ATF7IP: variants seen among roughly 807,000 people sequenced by gnomAD.
ATF7IP encodes activating transcription factor 7-interacting protein 1.
Under a neutral mutation model 106.4 loss-of-function variants are expected in ATF7IP, and 23 were observed. The ratio of observed to expected loss-of-function variants is 0.22; its 90% confidence interval spans 0.16 to 0.31. The LOEUF (loss-of-function observed/expected upper bound fraction) is 0.31, where lower values mean the gene tolerates loss of function less well. Ranked by LOEUF, ATF7IP falls within the 10% of genes least tolerant of loss-of-function variation. The probability of loss-of-function intolerance (pLI) is 1.00; values close to 1 mark genes in which losing one functional copy is unlikely to be tolerated. For missense variants in ATF7IP, 1,334 were observed against 1,524.3 expected, an observed-to-expected ratio of 0.88 and a Z score of 2.08; for synonymous variants, 542 against 539.0, an observed-to-expected ratio of 1.01 and a Z score of -0.08.
chr12:14,467,672 G>GTTT (rs60962708), intron 10 of ATF7IP, among the ~76,000 whole-genome samples: 3 of 146,680 alleles, frequency 2.0e-5, no homozygotes, highest in Non-Finnish European at 3.0e-5. Flanking sequence ...CCCTCAGTGA[G>GTTT]TTTTTTTTTT....
Position 14,468,581 on chromosome 12 carries a change from ATATTT to A in ATF7IP, c.2862+1997_2862+2001del, listed in dbSNP as rs1943922407. On this transcript the variant is annotated intron_variant, in intron 10 of 14. Transcript: ENST00000261168. ...CAAATTAATATTAAGCTCTCAATAG[ATATTT>A]TATTTGGCTTCAAGGAAGAGGAATT... 5.9e-5 allele frequency among the ~76,000 whole-genome samples: 9 copies of A among 152,172 alleles called. No individual in the cohort carries two copies. The South Asian group carries it at 1.9e-3, about 32-fold the overall frequency.
chr12:14,384,785 CT>C (rs1939141338), intron 1 of ATF7IP, among the ~76,000 whole-genome samples: 1 of 147,814 alleles, frequency 6.8e-6, no homozygotes, highest in African/African-American at 2.5e-5. Context: ...TTGAAATTAA[CT>C]TAATCAATCA....
rs1266881429 is a variant in ATF7IP at position 14,500,490 on chromosome 12, G to C, written c.*2417G>C. On this transcript the variant is annotated 3_prime_UTR_variant, in exon 15 of 15. Transcript: ENST00000261168. ...GTTATGGCAATGAAAATTTCAGAAA[G>C]GAGGAGTTGATGATCTTCTAGATGT... 1.3e-5 allele frequency: 2 copies of C among 152,052 alleles called. No individual in the cohort carries two copies. Among genetic ancestry groups the C allele is most frequent in the East Asian group, 3.8e-4 (2 of 5,196 alleles). 9.4% of individuals were successfully genotyped at this position (152,052 alleles called of 1,614,324 possible).
Position 14,384,095 on chromosome 12 carries a change from TTC to T in ATF7IP, c.-8+18270_-8+18271del, listed in dbSNP as rs1257610579. On this transcript the variant is annotated intron_variant, in intron 1 of 14. Coordinates refer to ENST00000261168, the MANE Select transcript of ATF7IP (RefSeq NM_018179.5). ...TACTGAAATAGAATGAGATAATAAATTCTGTGTGCCCATTGCTCAGCTTGAAC... is the reference window on the plus strand; with the variant it reads ...TACTGAAATAGAATGAGATAATAAATTGTGTGCCCATTGCTCAGCTTGAAC... Among the ~76,000 whole-genome samples the T allele has an allele frequency of 4.6e-5, 7 of 152,320 alleles. No individual in the cohort carries two copies. The East Asian group carries it at 1.3e-3, about 29-fold the overall frequency.
intron 4 of ATF7IP, among the ~76,000 whole-genome samples, chr12:14,437,773 G>T (rs1942473573): frequency 6.6e-6 from 1 of 152,190 alleles, no homozygotes; most frequent in Non-Finnish European, 1.5e-5. Flanking sequence ...ATATTTACTG[G>T]CCGGGCGCGG....
intron 1 of ATF7IP, among the ~76,000 whole-genome samples, chr12:14,416,364 G>A (rs989302845): frequency 6.6e-6 from 1 of 152,078 alleles, no homozygotes; most frequent in African/African-American, 2.4e-5. Context: ...TCAGAAAAAT[G>A]TTGTACTCTC....
chr12:14,429,811 A>G (rs893068216), intron 2 of ATF7IP, among the ~76,000 whole-genome samples: 8 of 152,332 alleles, frequency 5.3e-5, no homozygotes, highest in African/African-American at 1.4e-4. Context: ...TCTTAGTTCT[A>G]TTCACTAGTG....
At chr12:14,371,078 C>T (rs942404824) in intron 1 of ATF7IP, among the ~76,000 whole-genome samples, 2 of 151,706 alleles carry the variant, frequency 1.3e-5, no homozygotes, top group African/African-American at 4.8e-5. Context: ...AATTTATTTT[C>T]CATTAAATCT....
intron 1 of ATF7IP, among the ~76,000 whole-genome samples, chr12:14,387,254 A>G (rs547688159): frequency 1.7e-4 from 26 of 152,186 alleles, no homozygotes; most frequent in Non-Finnish European, 3.4e-4. Flanking sequence ...GATTCTATTC[A>G]TCATTCCTTT....
chr12:14,473,013 G>GA (rs1327264580), intron 10 of ATF7IP, among the ~76,000 whole-genome samples: 16 of 151,870 alleles, frequency 1.1e-4, no homozygotes, highest in East Asian at 3.9e-4. Flanking sequence ...ATCCGCAAGA[G>GA]AAAAAAAATC....
At chr12:14,398,592 C>G (rs916232342) in intron 1 of ATF7IP, among the ~76,000 whole-genome samples, 2 of 151,402 alleles carry the variant, frequency 1.3e-5, no homozygotes, top group Non-Finnish European at 1.5e-5. Flanking sequence ...ATTGGGTATA[C>G]AGTTCTATTT....
intron 14 of ATF7IP, 67 bp downstream of exon 14, chr12:14,496,410 C>A: frequency 9.4e-7 from 1 of 1,066,032 alleles, no homozygotes; most frequent in Non-Finnish European, 1.4e-6. Context: ...TTGTATTTGG[C>A]ATTTTTCTTT....
chr12:14,445,520 A>T (rs1040070667), intron 5 of ATF7IP, among the ~76,000 whole-genome samples: 5 of 152,070 alleles, frequency 3.3e-5, no homozygotes, highest in Admixed American at 1.3e-4. Context: ...AAGTTATTTG[A>T]GATATTTTAG....
intron 1 of ATF7IP, among the ~76,000 whole-genome samples, chr12:14,415,111 G>A (rs1941134155): frequency 6.6e-6 from 1 of 152,128 alleles, no homozygotes; most frequent in African/African-American, 2.4e-5. Context: ...ATAAATACAA[G>A]ACCTTCTGTA....
intron 1 of ATF7IP, among the ~76,000 whole-genome samples, chr12:14,405,346 A>G (rs1021494899): frequency 1.3e-5 from 2 of 150,258 alleles, no homozygotes; most frequent in South Asian, 4.3e-4. Context: ...TGGTACAAAG[A>G]GGAATTTGAA....
Position 14,460,576 on chromosome 12 carries a change from T to G in ATF7IP, c.2240T>G (p.Leu747Arg). The G allele has an allele frequency of 6.2e-7, 1 of 1,614,206 alleles. No individual in the cohort carries two copies. The highest frequency in any genetic ancestry group is 8.5e-7 in the Non-Finnish European group (1 of 1,180,020). Residue 747 changes from leucine (L) to arginine (R), a missense_variant, in exon 9 of 15, where the codon CTC becomes CGC. Around this residue, in one of 10 missense-constraint regions of ATF7IP, gnomAD observed 171 missense variants for 172.6 expected, o/e 0.99. Transcript: ENST00000261168. ...KLQTPVTSGS[L>R]TATSVLPAPN... is the part of the protein sequence containing the mutation. ...CAGACTCCAGTGACTTCGGGTTCCC[T>G]CACAGCAACGTCAGTTCTTCCTGCA...
Position 14,466,473 on chromosome 12 carries a change from T to TAA in ATF7IP, c.2798-52_2798-51dup, listed in dbSNP as rs1375861001. 4 of 1,448,176 alleles carry TAA rather than the reference T, an allele frequency of 2.8e-6. No homozygotes were observed. In the African/African-American group the frequency reaches 5.7e-5, roughly 21 times the overall value. The allele number at this position is 1,448,176 out of a possible 1,614,324, so 89.7% of individuals were successfully genotyped here. A position where few individuals can be genotyped will look rare whatever the true frequency, so the allele number is the denominator to read the frequency against. On this transcript the variant is annotated intron_variant, in intron 9 of 14. Transcript: ENST00000261168. ...ATGAATTGTTTCATATAAAGCAACT[T>TAA]AACTTTTTACATTTTGTAGATGTTT...
Position 14,424,291 on chromosome 12 carries a change from C to T in ATF7IP, c.376C>T (p.Pro126Ser). 4 of 1,614,200 alleles carry T rather than the reference C, an allele frequency of 2.5e-6. No homozygotes were observed. Among genetic ancestry groups the T allele is most frequent in the Non-Finnish European group, 3.4e-6 (4 of 1,180,034 alleles). ...AACTCCAGAACCAGTCTCTAAACTG[C>T]CTGCTGAACCAGTTTCTGGTGATCC... ...NITPEPVSKL[P>S]AEPVSGDPAP... The change falls in exon 2 of 15, where the codon CCT becomes TCT. Residue 126 changes from proline to serine, a missense_variant. Around this residue, in one of 10 missense-constraint regions of ATF7IP, gnomAD observed 438 missense variants for 405.3 expected, o/e 1.08. Coordinates refer to ENST00000261168, the MANE Select transcript of ATF7IP (RefSeq NM_018179.5).
intron 2 of ATF7IP, among the ~76,000 whole-genome samples, chr12:14,427,867 G>A (rs1179380085): frequency 6.6e-6 from 1 of 152,050 alleles, no homozygotes; most frequent in Non-Finnish European, 1.5e-5. Flanking sequence ...ACGGTGCCTG[G>A]CACACAGTAA....
Sources: allele counts gnomAD v4.1 joint callset (sites outside exome capture counted in the v4.1 genomes callset), GRCh38; gene constraint gnomAD v4.1.1; regional missense constraint gnomAD v4.1.1; transcripts MANE v1.5; gene names NCBI Gene and HGNC (gene_info 2026-07-23, HGNC 2026-07-21).